RAD51B: variants seen among roughly 807,000 people sequenced by gnomAD.
RAD51B encodes the protein DNA repair protein RAD51 homolog 2.
Under a neutral mutation model 42.2 loss-of-function variants are expected in RAD51B, and 38 were observed. The ratio of observed to expected loss-of-function variants is 0.90; its 90% CI spans 0.70 to 1.18. The LOEUF (loss-of-function observed/expected upper bound fraction) is 1.18. Ranked by LOEUF, RAD51B falls within the 50% of genes most tolerant of loss-of-function variation. The pLI, the probability that RAD51B is intolerant of heterozygous loss-of-function variation, is 0.00. For missense variants in RAD51B, 373 were observed against 400.7 expected (o/e 0.93, Z 0.59); for synonymous variants, 154 against 145.2 (o/e 1.06, Z -0.43).
intron 10 of RAD51B, among the ~76,000 whole-genome samples, chr14:68,517,058 G>T (rs1488603293): frequency 6.6e-6 from 1 of 152,114 alleles, no homozygotes; most frequent in East Asian, 1.9e-4. Context: ...ATGGTTATTT[G>T]GTCCTTTTGA....
Position 68,509,177 on chromosome 14 carries a change from T to G in RAD51B, c.1036+40927T>G, listed in dbSNP as rs145488911. Among the ~76,000 whole-genome samples, 103 of 152,368 alleles carry G rather than the reference T, an allele frequency of 6.8e-4. 1 individual carries two copies. The East Asian group carries it at 0.016, about 23-fold the overall frequency. ...GTGAGTGTAGTCTGGCCTGTCTGAT[T>G]CTCATCCCCACTCTCTGATAGTGCT... On this transcript the variant is annotated intron_variant, in intron 10 of 10. Coordinates refer to the RAD51B transcript ENST00000487270.
intron 7 of RAD51B, among the ~76,000 whole-genome samples, chr14:68,103,297 A>G (rs554447660): frequency 6.6e-6 from 1 of 152,350 alleles, no homozygotes; most frequent in Admixed American, 6.5e-5. Flanking sequence ...GTATAATTCA[A>G]AACCTCAGGA....
At chr14:68,057,775 ATC>A (rs2076500625) in intron 7 of RAD51B, among the ~76,000 whole-genome samples, 1 of 151,646 alleles carries the variant, frequency 6.6e-6, no homozygotes, top group South Asian at 2.1e-4. Flanking sequence ...TGAAAATAAA[ATC>A]TGCCATCTTA....
intron 7 of RAD51B, among the ~76,000 whole-genome samples, chr14:67,975,185 T>C (rs2074969165): frequency 6.6e-6 from 1 of 152,224 alleles, no homozygotes. Context: ...CCGATAAATA[T>C]TATTGAATGG....
intron 11 of RAD51B, among the ~76,000 whole-genome samples, chr14:68,671,560 C>T (rs1434166837): frequency 6.6e-6 from 1 of 152,066 alleles, no homozygotes; most frequent in Non-Finnish European, 1.5e-5. Flanking sequence ...TGCTCTCTCC[C>T]CCAACACCCC....
intron 10 of RAD51B, among the ~76,000 whole-genome samples, chr14:68,579,570 T>A (rs1330891043): frequency 6.6e-6 from 1 of 152,210 alleles, no homozygotes; most frequent in African/African-American, 2.4e-5. Context: ...TTATAAAATA[T>A]TTGAGCCATA....
chr14:68,171,059 G>T (rs1303414623), intron 7 of RAD51B, among the ~76,000 whole-genome samples: 1 of 152,184 alleles, frequency 6.6e-6, no homozygotes, highest in Admixed American at 6.5e-5. Flanking sequence ...AACCCATCAA[G>T]TGGCCAAAGT....
chr14:67,941,145 A>G (rs1013411430), intron 7 of RAD51B, among the ~76,000 whole-genome samples: 8 of 152,306 alleles, frequency 5.3e-5, no homozygotes, highest in African/African-American at 1.9e-4. Flanking sequence ...GACATTGTTC[A>G]TGGTCCTTCT....
intron 7 of RAD51B, among the ~76,000 whole-genome samples, chr14:68,284,231 C>T (rs895700799): frequency 6.6e-6 from 1 of 152,222 alleles, no homozygotes; most frequent in African/African-American, 2.4e-5. Flanking sequence ...CAAATTATTT[C>T]AAGTTGCTCC....
At chr14:68,428,481 G>T (rs951380265) in intron 9 of RAD51B, among the ~76,000 whole-genome samples, 2 of 151,504 alleles carry the variant, frequency 1.3e-5, no homozygotes, top group African/African-American at 4.9e-5. Flanking sequence ...GAACTTATTC[G>T]CATTGCATAA....
chr14:67,929,239 C>G (rs1338216077), intron 7 of RAD51B, among the ~76,000 whole-genome samples: 3 of 151,878 alleles, frequency 2.0e-5, no homozygotes, highest in Admixed American at 6.6e-5. Context: ...CTATAAACTC[C>G]CCTCTTAACA....
In RAD51B at chr14:68,300,182, G is replaced by A. The variant is rs2081698407; in HGVS notation, c.853+8202G>A. Among the ~76,000 whole-genome samples, 3 of 152,060 alleles carry A rather than the reference G, an allele frequency of 2.0e-5. No individual in the cohort carries two copies. In the South Asian group the frequency reaches 6.2e-4, roughly 32 times the overall value. On this transcript the variant is annotated intron_variant, in intron 8 of 10. Transcript: ENST00000471583. The stretch of plus-strand genomic sequence containing the variant: ...TTGTTAAGTAGGACTGTGTAGCTCT[G>A]TTGACCCCTTTAGTCATTTTCATTC...
At chr14:68,572,083 C>G (rs955096430) in intron 10 of RAD51B, among the ~76,000 whole-genome samples, 5 of 152,222 alleles carry the variant, frequency 3.3e-5, no homozygotes, top group Non-Finnish European at 7.3e-5. Context: ...GTGGCTGTTT[C>G]ATACGTCATG....
chr14:67,900,628 T>C (rs200985922), intron 7 of RAD51B, among the ~76,000 whole-genome samples: 4 of 127,906 alleles, frequency 3.1e-5, no homozygotes, highest in East Asian at 2.2e-4. Flanking sequence ...GTGTGTGTCA[T>C]ACACACACAC....
At chr14:67,871,970 C>G (rs1436182421) in intron 5 of RAD51B, among the ~76,000 whole-genome samples, 4,054 of 148,080 alleles carry the variant, frequency 0.027, 192 homozygotes, top group African/African-American at 0.095. Context: ...GACAAACCCA[C>G]AGCCAATATC....
chr14:68,040,729 G>A (rs1339916542), intron 7 of RAD51B, among the ~76,000 whole-genome samples: 1 of 152,188 alleles, frequency 6.6e-6, no homozygotes, highest in Admixed American at 6.5e-5. Context: ...ACTTACCTGG[G>A]TAAGGTCCAT....
At chr14:68,049,283 C>A (rs2076354669) in intron 7 of RAD51B, among the ~76,000 whole-genome samples, 1 of 152,032 alleles carries the variant, frequency 6.6e-6, no homozygotes, top group African/African-American at 2.4e-5. Flanking sequence ...GTGTAGCACA[C>A]CAACATGGCA....
intron 7 of RAD51B, among the ~76,000 whole-genome samples, chr14:67,972,554 C>G (rs574345029): frequency 6.6e-6 from 1 of 152,224 alleles, no homozygotes; most frequent in South Asian, 2.1e-4. Flanking sequence ...ATTATCTACA[C>G]AGAGAAAAGT....
At chr14:67,833,240 GTGGCAGGCACCTGTAATCCCAGTTACT>G (rs2041115943) in intron 3 of RAD51B, among the ~76,000 whole-genome samples, 1 of 152,164 alleles carries the variant, frequency 6.6e-6, no homozygotes, top group African/African-American at 2.4e-5. Flanking sequence ...GCCGGGTCTG[GTGGCAGGCACCTGTAATCCCAGTTACT>G]TGGGAGGCTG....
Sources: gnomAD v4.1 joint callset for allele counts (sites outside exome capture counted in the v4.1 genomes callset) on GRCh38, gnomAD v4.1.1 for gene constraint, MANE v1.5 for transcripts, NCBI Gene and HGNC (gene_info 2026-07-23, HGNC 2026-07-21) for gene names.